Variants in FBLN7 observed in about 807,000 individuals in gnomAD.
The protein encoded by FBLN7 is fibulin 7.
In FBLN7, 31 loss-of-function variants were observed where a neutral mutation model predicts 44.0. The ratio of observed to expected loss-of-function variants is 0.70; its 90% CI spans 0.53 to 0.95. The LOEUF (loss-of-function observed/expected upper bound fraction) is 0.95. Among genes scored for constraint, FBLN7 ranks in the 40% least tolerant of loss-of-function variants. The probability of loss-of-function intolerance (pLI) is 0.00; values close to 1 mark genes in which losing one functional copy is unlikely to be tolerated. For missense variants in FBLN7, 573 were observed against 618.5 expected, an observed-to-expected ratio of 0.93 and a Z score of 0.78; for synonymous variants, 262 against 253.4, an observed-to-expected ratio of 1.03 and a Z score of -0.32.
At chr2:112,209,811 G>T in the FBLN7 span, among the ~76,000 whole-genome samples, 1 of 149,798 alleles carries the variant, frequency 6.7e-6, no homozygotes, top group African/African-American at 2.5e-5. Context: ...GAGGCCATCT[G>T]CTTAGAAGAG....
At chr2:112,198,708 A>C in the FBLN7 span, among the ~76,000 whole-genome samples, 1 of 152,162 alleles carries the variant, frequency 6.6e-6, no homozygotes, top group Non-Finnish European at 1.5e-5. Flanking sequence ...ATGTGAGGAC[A>C]CAGTAAAAAG....
the FBLN7 span, among the ~76,000 whole-genome samples, chr2:112,219,706 A>G: frequency 2.6e-5 from 4 of 151,722 alleles, no homozygotes; most frequent in African/African-American, 9.7e-5. Flanking sequence ...GGTCAATTTT[A>G]GAGTATGTGT....
At chr2:112,231,869 A>T in the FBLN7 span, 2 of 1,594,660 alleles carry the variant, frequency 1.3e-6, no homozygotes, top group Non-Finnish European at 1.7e-6. Flanking sequence ...TTCAGGAGTC[A>T]GTGGAGCATG....
the FBLN7 span, among the ~76,000 whole-genome samples, chr2:112,197,404 C>T: frequency 2.6e-5 from 4 of 152,026 alleles, no homozygotes; most frequent in Non-Finnish European, 5.9e-5. Context: ...CTGGCAATCA[C>T]CAAAAGCTAG....
chr2:112,138,580 C>T lies in FBLN7; in HGVS notation c.-76C>T, dbSNP rs1225590920. ...GCCCCGCACCCTGCAGGGACGGCTG[C>T]CGCATCGCTGGGACAAACTCGGCAG... On this transcript the variant is annotated 5_prime_UTR_variant, in exon 1 of 8. Transcript: ENST00000331203. The T allele has an allele frequency of 1.1e-4, 169 of 1,602,248 alleles. No individual in the cohort carries two copies. Among genetic ancestry groups the T allele is most frequent in the Non-Finnish European group, 1.4e-4 (162 of 1,173,794 alleles).
At position 112,154,812 on chromosome 2, in the gene FBLN7, T is replaced by C. The variant is rs866959335; in HGVS notation, c.76-4864T>C. ...GGGGAATGGCAGACAACTGTGGCTG[T>C]GGGCAAGGAGCCCCCTGCCCAGACT... On this transcript the variant is annotated intron_variant, in intron 1 of 7. Transcript: ENST00000331203. Among the ~76,000 whole-genome samples the C allele has an allele frequency of 1.4e-3, 210 of 152,232 alleles. 1 individual carries two copies. Among genetic ancestry groups the C allele is most frequent in the African/African-American group, 4.8e-3 (199 of 41,538 alleles).
chr2:112,172,711 C>G (rs557849716), intron 3 of FBLN7, among the ~76,000 whole-genome samples: 6 of 145,054 alleles, frequency 4.1e-5, no homozygotes, highest in Admixed American at 7.3e-5. Flanking sequence ...TTGGCTCATG[C>G]AACCTCTGCC....
chr2:112,215,752 C>T, the FBLN7 span: 2 of 152,190 alleles, frequency 1.3e-5, no homozygotes, highest in Admixed American at 6.5e-5. Context: ...TACCATCACA[C>T]TCCTAAAGTT....
intron 2 of FBLN7, 28 bp from the exon 3 acceptor site, chr2:112,164,973 C>G (rs1482288262): frequency 1.2e-6 from 2 of 1,608,830 alleles, no homozygotes; most frequent in African/African-American, 1.3e-5. Context: ...GGATGAGGAG[C>G]TCGTAATCCT....
the FBLN7 span, among the ~76,000 whole-genome samples, chr2:112,209,147 GA>G: frequency 1.3e-5 from 2 of 152,138 alleles, no homozygotes; most frequent in Admixed American, 6.5e-5. Flanking sequence ...TCCGGATAAA[GA>G]AACTAAGTTT....
At chr2:112,197,599 G>A in the FBLN7 span, among the ~76,000 whole-genome samples, 1 of 152,160 alleles carries the variant, frequency 6.6e-6, no homozygotes, top group Non-Finnish European at 1.5e-5. Flanking sequence ...AACACCAGCT[G>A]AGGGTAAATC....
At chr2:112,165,250 C>A (rs1682092519) in intron 3 of FBLN7, 79 bp downstream of exon 3, 9 of 1,501,540 alleles carry the variant, frequency 6.0e-6, no homozygotes, top group African/African-American at 1.4e-5. Flanking sequence ...AAGGGTCATT[C>A]CTTGGAACAT....
the FBLN7 span, chr2:112,231,958 T>G: frequency 2.8e-6 from 4 of 1,434,788 alleles, no homozygotes; most frequent in African/African-American, 5.7e-5. Context: ...GTAACCCAAG[T>G]GTTAAGGAAG....
the FBLN7 span, among the ~76,000 whole-genome samples, chr2:112,203,598 A>G: frequency 2.6e-5 from 4 of 152,164 alleles, no homozygotes; most frequent in African/African-American, 9.7e-5. Flanking sequence ...CCAAAGAAGT[A>G]TGCTCCCATG....
intron 1 of FBLN7, among the ~76,000 whole-genome samples, chr2:112,140,802 C>T (rs1240362253): frequency 1.3e-5 from 2 of 152,146 alleles, no homozygotes; most frequent in Non-Finnish European, 2.9e-5. Context: ...GGGAGGTTTC[C>T]GAAGCGGTCC....
the FBLN7 span, among the ~76,000 whole-genome samples, chr2:112,201,211 T>C: frequency 6.6e-6 from 1 of 152,238 alleles, no homozygotes; most frequent in African/African-American, 2.4e-5. Flanking sequence ...ACTGCTGTCC[T>C]GAATCTCTTT....
the FBLN7 span, among the ~76,000 whole-genome samples, chr2:112,232,978 T>C: frequency 1.3e-5 from 2 of 152,336 alleles, no homozygotes; most frequent in Admixed American, 6.5e-5. Flanking sequence ...AGTGTCACAG[T>C]AGAAATTGTG....
chr2:112,216,452 T>C, the FBLN7 span: 1 of 152,288 alleles, frequency 6.6e-6, no homozygotes, highest in African/African-American at 2.4e-5. Flanking sequence ...AAGTACTCTT[T>C]ATCTGTACAT....
At chr2:112,201,669 A>G in the FBLN7 span, among the ~76,000 whole-genome samples, 12 of 152,276 alleles carry the variant, frequency 7.9e-5, no homozygotes, top group South Asian at 2.5e-3. Flanking sequence ...CATCTCCCCA[A>G]CTTAGGGAGA....
Sources: gnomAD v4.1 joint callset for allele counts (sites outside exome capture counted in the v4.1 genomes callset) on GRCh38, gnomAD v4.1.1 for gene constraint, MANE v1.5 for transcripts, NCBI Gene and HGNC (gene_info 2026-07-23, HGNC 2026-07-21) for gene names.